Variants in PRR5 observed in about 807,000 individuals in gnomAD.
PRR5 encodes the protein proline rich 5, also known as proline-rich protein 5.
In PRR5, 25 loss-of-function variants were observed where a neutral mutation model predicts 30.6. The observed-to-expected ratio is 0.82, with a 90% CI of 0.60 to 1.14. The LOEUF (loss-of-function observed/expected upper bound fraction) is 1.14. PRR5 is among the 50% of genes most tolerant of loss of function. The probability of loss-of-function intolerance (pLI) is 0.00; values close to 1 mark genes in which losing one functional copy is unlikely to be tolerated. For synonymous variants in PRR5, 286 were observed against 247.1 expected, an observed-to-expected ratio of 1.16 and a Z score of -1.48; for missense variants, 600 against 547.1, an observed-to-expected ratio of 1.10 and a Z score of -0.96.
At chr22:44,721,694 C>T (rs1319090404) in intron 2 of PRR5, among the ~76,000 whole-genome samples, 1 of 152,216 alleles carries the variant, frequency 6.6e-6, no homozygotes, top group Non-Finnish European at 1.5e-5. Context: ...CCCTACTCTC[C>T]TGCCTCACCT....
chr22:44,724,912 T>G (rs1569102592), intron 2 of PRR5, among the ~76,000 whole-genome samples: 5 of 152,202 alleles, frequency 3.3e-5, no homozygotes, highest in Admixed American at 3.3e-4. Flanking sequence ...AAACCAAGTG[T>G]TGCAGGCCCA....
At chr22:44,721,178 C>A (rs1205231238) in intron 2 of PRR5, among the ~76,000 whole-genome samples, 1 of 152,036 alleles carries the variant, frequency 6.6e-6, no homozygotes, top group African/African-American at 2.4e-5. Flanking sequence ...ACAAACAAAG[C>A]AAGGAAAGAA....
intron 4 of PRR5, among the ~76,000 whole-genome samples, chr22:44,727,140 G>A (rs1368831995): frequency 1.3e-5 from 2 of 151,570 alleles, no homozygotes; most frequent in East Asian, 3.9e-4. Flanking sequence ...ATTTGCCCAA[G>A]GCTACAGTGC....
At chr22:44,686,173 C>A (rs1924729902) in intron 1 of PRR5, among the ~76,000 whole-genome samples, 1 of 152,038 alleles carries the variant, frequency 6.6e-6, no homozygotes, top group African/African-American at 2.4e-5. Flanking sequence ...AATCCTTGAA[C>A]CCAGGAGAGA....
intron 1 of PRR5, chr22:44,677,345 C>G (rs1923853835): frequency 6.6e-6 from 1 of 152,402 alleles, no homozygotes; most frequent in African/African-American, 2.4e-5. Flanking sequence ...GAGGTTTGGC[C>G]CTGGTCTGTC....
At chr22:44,713,661 C>T (rs58048209) in intron 1 of PRR5, among the ~76,000 whole-genome samples, 2,571 of 152,318 alleles carry the variant, frequency 0.017, 84 homozygotes, top group African/African-American at 0.059. Flanking sequence ...CCGCCATGCC[C>T]GGCTGCCACA....
chr22:44,692,309 G>T (rs956839601), intron 1 of PRR5, among the ~76,000 whole-genome samples: 18 of 119,156 alleles, frequency 1.5e-4, no homozygotes, highest in Admixed American at 1.3e-3. Context: ...CCCTCTCGGT[G>T]CTCCTCCTCC....
chr22:44,675,007 G>T (rs1264650422), upstream of PRR5, among the ~76,000 whole-genome samples: 1 of 148,992 alleles, frequency 6.7e-6, no homozygotes, highest in Non-Finnish European at 1.5e-5. Context: ...CCAGCACTTT[G>T]GGAGGCCGAG....
chr22:44,676,421 A>G (rs573510968), upstream of PRR5, among the ~76,000 whole-genome samples: 1 of 149,528 alleles, frequency 6.7e-6, no homozygotes, highest in Non-Finnish European at 1.5e-5. Context: ...AAAAAGAAAG[A>G]AAGAAAAGAG....
At chr22:44,678,932 G>A (rs954943296) in intron 1 of PRR5, among the ~76,000 whole-genome samples, 8 of 152,210 alleles carry the variant, frequency 5.3e-5, no homozygotes, top group South Asian at 2.1e-4. Flanking sequence ...GGGCACCTGC[G>A]TTAGGGGACA....
intron 1 of PRR5, among the ~76,000 whole-genome samples, chr22:44,687,553 C>G (rs1187106285): frequency 6.6e-6 from 1 of 152,142 alleles, no homozygotes; most frequent in Non-Finnish European, 1.5e-5. Flanking sequence ...TTCTTGTCAT[C>G]TCTTATTGTC....
chr22:44,725,859 T>C (rs886620420), intron 3 of PRR5, among the ~76,000 whole-genome samples: 8 of 152,184 alleles, frequency 5.3e-5, no homozygotes, highest in Admixed American at 4.6e-4. Flanking sequence ...AGACAGGATT[T>C]CACCATGTTG....
intron 4 of PRR5, chr22:44,729,478 G>A: frequency 1.0e-6 from 1 of 985,638 alleles, no homozygotes; most frequent in South Asian, 4.7e-5. Flanking sequence ...CCAAGGTACG[G>A]CGCGCACACA....
At chr22:44,725,419 C>T in intron 3 of PRR5, 127 bp downstream of exon 3, 1 of 1,311,474 alleles carries the variant, frequency 7.6e-7, no homozygotes. Context: ...TTCCAAGGAC[C>T]TGCCTCGTTC....
At chr22:44,723,443 G>A (rs1930235574) in intron 2 of PRR5, among the ~76,000 whole-genome samples, 1 of 152,218 alleles carries the variant, frequency 6.6e-6, no homozygotes, top group South Asian at 2.1e-4. Context: ...ATTGGGGCCA[G>A]GTGCAGTGGC....
chr22:44,671,889 A>G (rs1215114928), intron 1 of PRR5, among the ~76,000 whole-genome samples: 1 of 152,226 alleles, frequency 6.6e-6, no homozygotes, highest in Non-Finnish European at 1.5e-5. Context: ...AGGTGCTTGA[A>G]CAATCCCAGT....
chr22:44,737,058 C>T lies in PRR5; in HGVS notation c.978C>T (p.Thr326=), dbSNP rs762338085. The part of the protein sequence containing the change: ...GPCPSRLYPT[T]QPPEQGLDPT... ...GCCCCAGCAGACTGTACCCCACGAC[C>T]CAGCCCCCTGAGCAGGGCTTGGATC... is the stretch of plus-strand genomic sequence containing the variant. The change falls in exon 8 of 8, where the codon ACC becomes ACT. Residue 326 remains threonine, a synonymous_variant. Coordinates refer to ENST00000336985, the MANE Select transcript of PRR5 (RefSeq NM_181333.4). 3.7e-6 allele frequency: 6 copies of T among 1,609,138 alleles called. No homozygotes were observed. In the South Asian group the frequency reaches 6.6e-5, roughly 18 times the overall value.
At position 44,726,649 on chromosome 22, in the gene PRR5, C is replaced by G. The variant is rs762567771; in HGVS notation, c.322+15C>G. The G allele has an allele frequency of 6.2e-7, 1 of 1,613,886 alleles. No homozygotes were observed. ...CTTCTATGAGGGTGAGTGTGGGCCC[C>G]TTGGCGGCCACTCTGGGCCATGCTG... is the stretch of plus-strand genomic sequence containing the variant. On this transcript the variant is annotated intron_variant, in intron 4 of 7. Coordinates refer to ENST00000336985, the MANE Select transcript of PRR5 (RefSeq NM_181333.4).
At chr22:44,702,939 G>T (rs1038745737) in intron 1 of PRR5, among the ~76,000 whole-genome samples, 1 of 152,222 alleles carries the variant, frequency 6.6e-6, no homozygotes, top group African/African-American at 2.4e-5. Context: ...TGCGGTGCTC[G>T]TGACAACCTG....
Sources: allele counts gnomAD v4.1 joint callset (sites outside exome capture counted in the v4.1 genomes callset), GRCh38; gene constraint gnomAD v4.1.1; transcripts MANE v1.5; gene names NCBI Gene and HGNC (gene_info 2026-07-23, HGNC 2026-07-21).